ICE2: variants seen among roughly 807,000 people sequenced by gnomAD.
ICE2 encodes little elongation complex subunit 2.
Under a neutral mutation model 105.4 loss-of-function variants are expected in ICE2, and 87 were observed. The observed-to-expected ratio is 0.83, with a 90% CI of 0.69 to 0.99. ICE2 has a LOEUF of 0.99. Among genes scored for constraint, ICE2 ranks in the 50% least tolerant of loss-of-function variants. ICE2 has a pLI of 0.00. For missense variants in ICE2, 1,323 were observed against 1,146.7 expected (o/e 1.15, Z -2.22); for synonymous variants, 399 against 392.0 (o/e 1.02, Z -0.21).
At chr15:60,448,192 C>T in intron 10 of ICE2, 47 bp from the exon 11 acceptor site, 2 of 1,219,854 alleles carry the variant, frequency 1.6e-6, no homozygotes, top group Non-Finnish European at 1.2e-6. Context: ...AGCTCTTACC[C>T]ATCATAAGCA....
intron 5 of ICE2, among the ~76,000 whole-genome samples, chr15:60,462,651 G>GA (rs1344892628): frequency 6.6e-6 from 1 of 151,970 alleles, no homozygotes; most frequent in African/African-American, 2.4e-5. Context: ...ATATCAATTA[G>GA]AAAAAATGAA....
intron 13 of ICE2, among the ~76,000 whole-genome samples, chr15:60,434,453 G>A (rs970561853): frequency 2.0e-5 from 3 of 151,720 alleles, no homozygotes; most frequent in Admixed American, 2.0e-4. Flanking sequence ...TTTGGAGATG[G>A]AGATAATATA....
In ICE2 at chr15:60,419,783, A is replaced by T. The variant is rs532848493; in HGVS notation, c.*3851T>A. On this transcript the variant is annotated 3_prime_UTR_variant, in exon 16 of 16. Coordinates refer to ENST00000261520, the MANE Select transcript of ICE2 (RefSeq NM_024611.6). ...GCATAGAAAACGTCTTAACATCTTT[A>T]CAACATGCCCATTAGGAACTACAGA... 6.6e-6 allele frequency: 1 copy of T among 152,388 alleles called. No homozygotes were observed. Among genetic ancestry groups the T allele is most frequent in the African/African-American group, 2.4e-5 (1 of 41,596 alleles). The allele number at this position is 152,388 out of a possible 1,614,324, so 9.4% of individuals were successfully genotyped here.
Position 60,479,001 on chromosome 15 carries a change from A to C in ICE2, c.-93+2T>G. ...GGGCTGCAACACAGCCTTTCCGCCC[A>C]CCTCATGGTCCGCGGCGGCTCTTGC... On this transcript the variant is annotated splice_donor_variant, in intron 1 of 15. Transcript: ENST00000261520. LOFTEE classifies it low-confidence loss of function (5UTR_SPLICE). 1 of 455,782 alleles carries C rather than the reference A, an allele frequency of 2.2e-6. No individual in the cohort carries two copies. The highest frequency in any genetic ancestry group is 4.4e-6 in the Non-Finnish European group (1 of 226,684). The allele number at this position is 455,782 out of a possible 1,614,324, so 28.2% of individuals were successfully genotyped here.
At chr15:60,472,285 A>G (rs1229807092) in intron 3 of ICE2, among the ~76,000 whole-genome samples, 1 of 152,128 alleles carries the variant, frequency 6.6e-6, no homozygotes, top group African/African-American at 2.4e-5. Flanking sequence ...AGTAAAAGGA[A>G]AATTTTTTTT....
intron 5 of ICE2, among the ~76,000 whole-genome samples, chr15:60,458,565 T>TA (rs1475001946): frequency 6.6e-6 from 1 of 152,112 alleles, no homozygotes; most frequent in African/African-American, 2.4e-5. Context: ...CAACCAGTTC[T>TA]AAGATCAGGT....
chr15:60,436,368 A>G (rs1222364806), intron 12 of ICE2, 141 bp from the exon 13 acceptor site: 1 of 438,830 alleles, frequency 2.3e-6, no homozygotes, highest in Non-Finnish European at 4.1e-6. Flanking sequence ...AGAAATACAC[A>G]TTTTATTAAG....
intron 9 of ICE2, among the ~76,000 whole-genome samples, chr15:60,450,385 G>C (rs1307965443): frequency 6.6e-6 from 1 of 152,164 alleles, no homozygotes; most frequent in African/African-American, 2.4e-5. Flanking sequence ...AATAAAAGAT[G>C]GGGCAGAAAT....
At chr15:60,475,631 A>T (rs547798863) in intron 3 of ICE2, among the ~76,000 whole-genome samples, 19 of 152,158 alleles carry the variant, frequency 1.2e-4, no homozygotes, top group Non-Finnish European at 2.6e-4. Flanking sequence ...AGATAATTGC[A>T]AAACAGTTTT....
At chr15:60,436,582 G>C (rs2063592899) in intron 12 of ICE2, among the ~76,000 whole-genome samples, 1 of 151,428 alleles carries the variant, frequency 6.6e-6, no homozygotes, top group African/African-American at 2.4e-5. Context: ...AGGCGTAGTG[G>C]CGGGCGCCTG....
chr15:60,478,170 A>C (rs2064820531), intron 1 of ICE2, 101 bp from the exon 2 acceptor site: 1 of 600,184 alleles, frequency 1.7e-6, no homozygotes, highest in Non-Finnish European at 3.0e-6. Context: ...CCCTCAACAG[A>C]CTGTGGCACC....
At chr15:60,467,649 T>C (rs1315167694) in intron 4 of ICE2, among the ~76,000 whole-genome samples, 1 of 152,214 alleles carries the variant, frequency 6.6e-6, no homozygotes, top group Non-Finnish European at 1.5e-5. Flanking sequence ...TTTGAAAACA[T>C]GCATAGGTTT....
At chr15:60,443,889 T>A (rs2063770215) in intron 11 of ICE2, among the ~76,000 whole-genome samples, 2 of 151,310 alleles carry the variant, frequency 1.3e-5, no homozygotes, top group African/African-American at 2.4e-5. Flanking sequence ...AGGCCAGGAG[T>A]TCAGGATTAG....
chr15:60,465,873 T>C (rs2064411650), intron 5 of ICE2, among the ~76,000 whole-genome samples: 1 of 151,490 alleles, frequency 6.6e-6, no homozygotes, highest in Admixed American at 6.6e-5. Context: ...TGCCTCAGTC[T>C]CCTGAGTAGC....
intron 15 of ICE2, among the ~76,000 whole-genome samples, chr15:60,425,769 T>C (rs1334010942): frequency 6.6e-6 from 1 of 152,220 alleles, no homozygotes; most frequent in African/African-American, 2.4e-5. Context: ...CCTGGTTTCC[T>C]GAAAGCTGTC....
intron 15 of ICE2, among the ~76,000 whole-genome samples, chr15:60,425,912 T>C (rs2063329878): frequency 6.6e-6 from 1 of 152,136 alleles, no homozygotes; most frequent in East Asian, 1.9e-4. Flanking sequence ...CAGGGCTAGA[T>C]TGTGGGGAGG....
intron 3 of ICE2, 81 bp from the exon 4 acceptor site, chr15:60,468,403 C>T: frequency 9.1e-7 from 1 of 1,095,768 alleles, no homozygotes; most frequent in Middle Eastern, 2.3e-4. Flanking sequence ...TCTCAATCAC[C>T]AGGGAGAATA....
At chr15:60,462,592 T>C (rs895166090) in intron 5 of ICE2, among the ~76,000 whole-genome samples, 15 of 152,204 alleles carry the variant, frequency 9.9e-5, no homozygotes, top group Non-Finnish European at 1.5e-4. Context: ...AACTGCAACA[T>C]ACATAGCCCA....
intron 13 of ICE2, among the ~76,000 whole-genome samples, chr15:60,433,885 TA>T (rs541454425): frequency 6.6e-6 from 1 of 150,786 alleles, no homozygotes; most frequent in Non-Finnish European, 1.5e-5. Flanking sequence ...TTCACATATG[TA>T]AAAAAAAAGT....
Sources: allele counts gnomAD v4.1 joint callset (sites outside exome capture counted in the v4.1 genomes callset), GRCh38; gene constraint gnomAD v4.1.1; transcripts MANE v1.5; gene names NCBI Gene and HGNC (gene_info 2026-07-23, HGNC 2026-07-21).